Variants in HS6ST2 observed in about 807,000 individuals in gnomAD.
HS6ST2 encodes the protein heparan-sulfate 6-O-sulfotransferase 2.
In HS6ST2, 17 loss-of-function variants were observed where a neutral mutation model predicts 33.0. The ratio of observed to expected loss-of-function variants is 0.52; its 90% CI spans 0.35 to 0.77. HS6ST2 has a LOEUF of 0.77. HS6ST2 is among the 30% of genes least tolerant of loss of function. HS6ST2 has a pLI of 0.01. For missense variants in HS6ST2, 519 were observed against 551.7 expected, an observed-to-expected ratio of 0.94 and a Z score of 0.59; for synonymous variants, 248 against 237.1, an observed-to-expected ratio of 1.05 and a Z score of -0.42.
At chrX:132,826,662 T>C (rs1298233024) in intron 2 of HS6ST2, among the ~76,000 whole-genome samples, 1 of 110,129 alleles carries the variant, frequency 9.1e-6, no homozygotes, top group Non-Finnish European at 1.9e-5. Context: ...TATATATATA[T>C]ATAAAGGGCC....
At chrX:132,686,757 A>G (rs1040452606) in intron 3 of HS6ST2, among the ~76,000 whole-genome samples, 8 of 111,806 alleles carry the variant, frequency 7.2e-5, no homozygotes, top group Non-Finnish European at 1.3e-4. Context: ...GAGTACAATA[A>G]TATTTTTTAT....
chrX:132,645,834 G>A (rs2148175420), intron 4 of HS6ST2, among the ~76,000 whole-genome samples: 1 of 112,223 alleles, frequency 8.9e-6, no homozygotes, highest in African/African-American at 3.2e-5. Flanking sequence ...GAAAGGAATA[G>A]CACCCTCTTT....
chrX:132,945,090 T>C (rs770219021), intron 2 of HS6ST2, among the ~76,000 whole-genome samples: 15 of 111,693 alleles, frequency 1.3e-4, no homozygotes, highest in Admixed American at 1.2e-3. Flanking sequence ...GGGGAAAATT[T>C]TTGCAATCTA....
intron 2 of HS6ST2, among the ~76,000 whole-genome samples, chrX:132,810,813 G>T (rs1191718426): frequency 1.8e-5 from 2 of 112,372 alleles, no homozygotes; most frequent in Non-Finnish European, 3.7e-5. Context: ...GCAGATTAAA[G>T]TCATCCCAAC....
intron 3 of HS6ST2, among the ~76,000 whole-genome samples, chrX:132,674,754 C>G (rs1277430156): frequency 8.9e-6 from 1 of 112,027 alleles, no homozygotes. Flanking sequence ...CTATCAGAGG[C>G]CAATAGAACG....
At chrX:132,948,161 T>C (rs1191077101) in intron 2 of HS6ST2, among the ~76,000 whole-genome samples, 1 of 111,687 alleles carries the variant, frequency 9.0e-6, no homozygotes, top group Non-Finnish European at 1.9e-5. Context: ...CTAGTAAAAT[T>C]TAAAAAGCAA....
At chrX:132,712,726 C>T (rs890598263) in intron 2 of HS6ST2, among the ~76,000 whole-genome samples, 5 of 111,694 alleles carry the variant, frequency 4.5e-5, no homozygotes, top group African/African-American at 1.3e-4. Flanking sequence ...GATTTCCTCA[C>T]CTAGAAAATG....
chrX:132,949,492 T>C (rs1298432944), intron 2 of HS6ST2, among the ~76,000 whole-genome samples: 1 of 110,414 alleles, frequency 9.1e-6, no homozygotes, highest in African/African-American at 3.3e-5. Flanking sequence ...AAGTCAGTTA[T>C]CGAAAATCAG....
chrX:132,811,685 A>AATATATATATGTATATAT (rs1491477781), intron 2 of HS6ST2, among the ~76,000 whole-genome samples: 10 of 29,814 alleles, frequency 3.4e-4, no homozygotes, highest in African/African-American at 1.5e-3. Context: ...AAGGCTGAAT[A>AATATATATATGTATATAT]ATATATATAT....
chrX:132,850,357 C>T (rs757994187), intron 2 of HS6ST2, among the ~76,000 whole-genome samples: 2 of 111,518 alleles, frequency 1.8e-5, no homozygotes, highest in Non-Finnish European at 3.8e-5. Context: ...GATGAAGGTG[C>T]CAGCACATTT....
chrX:132,734,980 G>A (rs1489489268), intron 2 of HS6ST2: 1 of 110,100 alleles, frequency 9.1e-6, no homozygotes, highest in Non-Finnish European at 1.9e-5. Context: ...AGTTGGTGGG[G>A]AGATGGGGAT....
At position 132,889,422 on chromosome X, in the gene HS6ST2, G is replaced by A. The variant is rs1317186715; in HGVS notation, c.947+67386C>T. 2.7e-5 allele frequency among the ~76,000 whole-genome samples: 3 copies of A among 111,068 alleles called. No homozygotes were observed. In the East Asian group the frequency reaches 8.5e-4, roughly 31 times the overall value. On this transcript the variant is annotated intron_variant, in intron 2 of 4. Transcript: ENST00000370833. ...AGAGTGTGAATCCATGGCAAGAGAA[G>A]GGGGGAAGTGGCTGAAAGTAGGGAG...
intron 2 of HS6ST2, among the ~76,000 whole-genome samples, chrX:132,931,992 C>T (rs915334874): frequency 9.2e-6 from 1 of 109,169 alleles, no homozygotes; most frequent in Non-Finnish European, 1.9e-5. Context: ...CGAGACCATC[C>T]TGGCTAACAC....
At chrX:132,912,387 T>C (rs1292618697) in intron 2 of HS6ST2, among the ~76,000 whole-genome samples, 1 of 112,682 alleles carries the variant, frequency 8.9e-6, no homozygotes, top group Non-Finnish European at 1.9e-5. Flanking sequence ...TGGGACCACT[T>C]GGGCTATCCC....
intron 2 of HS6ST2, among the ~76,000 whole-genome samples, chrX:132,778,622 T>C (rs2064989514): frequency 9.1e-6 from 1 of 109,879 alleles, no homozygotes; most frequent in Non-Finnish European, 1.9e-5. Flanking sequence ...GTCAGACTGG[T>C]CTCAAACTCC....
At chrX:132,953,456 G>A (rs918275852) in intron 2 of HS6ST2, among the ~76,000 whole-genome samples, 2 of 111,574 alleles carry the variant, frequency 1.8e-5, no homozygotes, top group Non-Finnish European at 1.9e-5. Flanking sequence ...TTAACCATCC[G>A]CGGAGGCAGA....
chrX:132,736,886 C>T (rs1488942073), intron 2 of HS6ST2, among the ~76,000 whole-genome samples: 1 of 111,527 alleles, frequency 9.0e-6, no homozygotes. Flanking sequence ...GTGAAAGGAA[C>T]AAAGTGGACC....
chrX:132,740,820 A>T (rs1161540995), intron 2 of HS6ST2, among the ~76,000 whole-genome samples: 3 of 111,337 alleles, frequency 2.7e-5, no homozygotes, highest in Non-Finnish European at 5.7e-5. Context: ...AAGGCAGCTA[A>T]CAGTTGAATA....
At chrX:132,706,305 T>C (rs1447309931) in intron 3 of HS6ST2, among the ~76,000 whole-genome samples, 1 of 112,251 alleles carries the variant, frequency 8.9e-6, no homozygotes, top group Non-Finnish European at 1.9e-5. Flanking sequence ...TCAGCATCCT[T>C]TTATTCATTA....
Sources: gnomAD v4.1 joint callset for allele counts (sites outside exome capture counted in the v4.1 genomes callset) on GRCh38, gnomAD v4.1.1 for gene constraint, MANE v1.5 for transcripts, NCBI Gene and HGNC (gene_info 2026-07-23, HGNC 2026-07-21) for gene names.